HECTD4: variants seen among roughly 807,000 people sequenced by gnomAD.
HECTD4 encodes HECT domain E3 ubiquitin protein ligase 4.
A neutral mutation model predicts 471.5 loss-of-function variants in HECTD4; 114 were observed. That is an observed-to-expected ratio of 0.24 (90% CI 0.21 to 0.28). The LOEUF (loss-of-function observed/expected upper bound fraction) is 0.28. Ranked by LOEUF, HECTD4 falls within the 10% of genes least tolerant of loss-of-function variation. The pLI, the probability that HECTD4 is intolerant of heterozygous loss-of-function variation, is 1.00. For missense variants in HECTD4, 3,866 were observed against 5,651.5 expected (o/e 0.68, Z 10.13); for synonymous variants, 2,012 against 2,256.0 (o/e 0.89, Z 3.07).
intron 1 of HECTD4, among the ~76,000 whole-genome samples, chr12:112,380,911 A>G (rs2036875016): frequency 6.6e-6 from 1 of 152,190 alleles, no homozygotes; most frequent in Admixed American, 6.5e-5. Flanking sequence ...ACCGCAAAAC[A>G]CAAAAGATCC....
intron 4 of HECTD4, 137 bp from the exon 5 acceptor site, chr12:112,309,806 T>C (rs2035337654): frequency 1.9e-6 from 1 of 516,472 alleles, no homozygotes; most frequent in Non-Finnish European, 3.4e-6. Flanking sequence ...AGCTTCAATG[T>C]GACTTTCAGG....
At chr12:112,365,045 T>C (rs1485313786) in intron 1 of HECTD4, among the ~76,000 whole-genome samples, 1 of 152,234 alleles carries the variant, frequency 6.6e-6, no homozygotes, top group Non-Finnish European at 1.5e-5. Flanking sequence ...GTTGGCTGGA[T>C]ATGACCCTGA....
chr12:112,323,032 T>A (rs900090123), intron 1 of HECTD4: 2 of 201,700 alleles, frequency 9.9e-6, no homozygotes, highest in African/African-American at 2.4e-5. Flanking sequence ...AAAGGCTGCA[T>A]GAAAAGATGC....
chr12:112,282,194 T>C (rs542162258), intron 8 of HECTD4, among the ~76,000 whole-genome samples: 2 of 152,134 alleles, frequency 1.3e-5, no homozygotes, highest in Non-Finnish European at 2.9e-5. Context: ...CCATCCTGGC[T>C]AACACGGTGA....
intron 60 of HECTD4, 34 bp from the exon 61 acceptor site, chr12:112,185,527 A>ATTT: frequency 6.8e-7 from 1 of 1,473,168 alleles, no homozygotes; most frequent in Non-Finnish European, 9.2e-7. Flanking sequence ...AGTAATTACT[A>ATTT]TGCAGCACTG....
At chr12:112,313,930 G>A (rs1168408521) in intron 3 of HECTD4, among the ~76,000 whole-genome samples, 3 of 152,176 alleles carry the variant, frequency 2.0e-5, no homozygotes, top group African/African-American at 7.2e-5. Flanking sequence ...GTACCAAAAT[G>A]TTAGGAGTAG....
chr12:112,165,772 C>A (rs2030927860), intron 72 of HECTD4, among the ~76,000 whole-genome samples: 1 of 152,242 alleles, frequency 6.6e-6, no homozygotes, highest in Admixed American at 6.5e-5. Context: ...TGTCGCCTCC[C>A]CACATATGGC....
intron 34 of HECTD4, among the ~76,000 whole-genome samples, chr12:112,237,576 C>T (rs542878305): frequency 1.7e-4 from 26 of 152,248 alleles, no homozygotes; most frequent in Middle Eastern, 6.8e-3. Flanking sequence ...TTGTTCTGCT[C>T]GAAAGTATTC....
chr12:112,251,490 T>C (rs1045575616), intron 23 of HECTD4, among the ~76,000 whole-genome samples: 10 of 152,236 alleles, frequency 6.6e-5, no homozygotes, highest in African/African-American at 2.2e-4. Context: ...ACTTCCACCC[T>C]GTGCTCAAAC....
chr12:112,211,989 T>C (rs1485056966), intron 49 of HECTD4, among the ~76,000 whole-genome samples: 2 of 152,168 alleles, frequency 1.3e-5, no homozygotes, highest in Non-Finnish European at 2.9e-5. Context: ...GCTACCAGCA[T>C]GTAGTAAGTA....
Position 112,237,058 on chromosome 12 carries a change from C to T in HECTD4, c.5331G>A (p.Gln1777=). Reference sequence around the variant, plus strand: ...GATGGTTAGTGAGAAGGCTGGACACCTGCCGGGCCAGACCTGAGTGCACAG... The same window carrying T: ...GATGGTTAGTGAGAAGGCTGGACACTTGCCGGGCCAGACCTGAGTGCACAG... ...TEAVHSGLAR[Q]VSSLLTNHLA... Residue 1777 remains glutamine, a synonymous_variant, in exon 35 of 76, where the codon CAG becomes CAA. Transcript: ENST00000682272. The T allele has an allele frequency of 1.9e-6, 3 of 1,598,048 alleles. No individual in the cohort carries two copies. In the South Asian group the frequency reaches 3.4e-5, roughly 18 times the overall value.
At chr12:112,306,993 T>C (rs899819202) in intron 6 of HECTD4, among the ~76,000 whole-genome samples, 4 of 152,186 alleles carry the variant, frequency 2.6e-5, no homozygotes, top group Non-Finnish European at 4.4e-5. Flanking sequence ...AGCTACATAC[T>C]AATTTTTACT....
chr12:112,275,090 T>C (rs781756676), intron 9 of HECTD4, 130 bp from the exon 10 acceptor site: 2 of 575,954 alleles, frequency 3.5e-6, no homozygotes, highest in Admixed American at 3.3e-5. Context: ...TGGTAATTGG[T>C]GGTAAAGAGA....
chr12:112,220,142 T>G (rs990516307), intron 44 of HECTD4, among the ~76,000 whole-genome samples: 1 of 152,150 alleles, frequency 6.6e-6, no homozygotes, highest in Non-Finnish European at 1.5e-5. Context: ...CTTGGCTAAG[T>G]CCCTAGCACA....
chr12:112,255,190 C>G (rs2033980852), intron 21 of HECTD4, among the ~76,000 whole-genome samples: 1 of 152,154 alleles, frequency 6.6e-6, no homozygotes, highest in Non-Finnish European at 1.5e-5. Context: ...CAAAACGACA[C>G]CAACTAAAAT....
In HECTD4 at chr12:112,163,709, C is replaced by T; in HGVS notation, c.12730G>A (p.Ala4244Thr). The T allele has an allele frequency of 6.7e-7, 1 of 1,502,640 alleles. No individual in the cohort carries two copies. The highest frequency in any genetic ancestry group is 8.9e-7 in the Non-Finnish European group (1 of 1,124,946). The allele number at this position is 1,502,640 out of a possible 1,614,324, so 93.1% of individuals were successfully genotyped here. A position where few individuals can be genotyped will look rare whatever the true frequency, so the allele number is the denominator to read the frequency against. Residue 4244 changes from alanine (A) to threonine (T), a missense_variant, in exon 74 of 76, where the codon GCC (alanine) becomes ACC (threonine). This residue lies in a region of HECTD4 where 715 missense variants were observed against 1,087.6 expected (regional missense o/e 0.66). Transcript: ENST00000682272. The surrounding 1 kb of genome is among the most constrained non-coding windows in gnomAD (Gnocchi z 8.2). ...TCCCGCAGCCGCAGGCTCCGGATGGCTGCCGCGTAGATGTCCTTGTTCTCC... is the reference window on the plus strand; with the variant it reads ...TCCCGCAGCCGCAGGCTCCGGATGGTTGCCGCGTAGATGTCCTTGTTCTCC... ...AWENKDIYAA[A>T]IRSLRLRELQ...
intron 13 of HECTD4, among the ~76,000 whole-genome samples, chr12:112,268,161 G>A (rs1566093291): frequency 6.6e-6 from 1 of 152,066 alleles, no homozygotes; most frequent in Non-Finnish European, 1.5e-5. Flanking sequence ...ATTTAATCAA[G>A]TGCACATATT....
chr12:112,242,246 T>C (rs559270222), intron 32 of HECTD4, among the ~76,000 whole-genome samples: 1 of 152,326 alleles, frequency 6.6e-6, no homozygotes, highest in African/African-American at 2.4e-5. Context: ...TGAACCTATG[T>C]GTCCGTCAGC....
chr12:112,279,615 T>A (rs1260660550), intron 8 of HECTD4, among the ~76,000 whole-genome samples: 1 of 152,212 alleles, frequency 6.6e-6, no homozygotes, highest in Non-Finnish European at 1.5e-5. Flanking sequence ...TCTGAACATT[T>A]CTTGACAGTG....
Sources: allele counts gnomAD v4.1 joint callset (sites outside exome capture counted in the v4.1 genomes callset), GRCh38; gene constraint gnomAD v4.1.1; regional missense constraint gnomAD v4.1.1; non-coding constraint Gnocchi (gnomAD v3.1); transcripts MANE v1.5; gene names NCBI Gene and HGNC (gene_info 2026-07-23, HGNC 2026-07-21).